BTNL8: variants seen among roughly 807,000 people sequenced by gnomAD.
BTNL8 encodes the protein butyrophilin-like protein 8.
Under a neutral mutation model 36.1 loss-of-function variants are expected in BTNL8, and 22 were observed. The ratio of observed to expected loss-of-function variants is 0.61; its 90% CI spans 0.44 to 0.87. The LOEUF (loss-of-function observed/expected upper bound fraction) is 0.87, where lower values mean the gene tolerates loss of function less well. Among genes scored for constraint, BTNL8 ranks in the 40% least tolerant of loss-of-function variants. The probability of loss-of-function intolerance (pLI) is 0.00; values close to 1 mark genes in which losing one functional copy is unlikely to be tolerated. For synonymous variants in BTNL8, 203 were observed against 235.6 expected (o/e 0.86, Z 1.27); for missense variants, 526 against 616.9 (o/e 0.85, Z 1.56).
intron 3 of BTNL8, among the ~76,000 whole-genome samples, chr5:180,944,435 GTTA>G (rs765573849): frequency 1.1e-4 from 16 of 152,094 alleles, no homozygotes; most frequent in Non-Finnish European, 1.6e-4. Flanking sequence ...AATATGTACA[GTTA>G]TTATGAGGCA....
In BTNL8 at chr5:180,949,738, C is replaced by A; in HGVS notation, c.863-166C>A. On this transcript the variant is annotated intron_variant, in intron 7 of 7. Coordinates refer to ENST00000340184, the MANE Select transcript of BTNL8 (RefSeq NM_001040462.3). ...AGACATTGATGAGTCCTCCAGGCTG[C>A]ACTGGTGATGAGAGGACCTGAAAGG... The A allele has an allele frequency of 3.5e-6, 3 of 856,878 alleles. 1 individual carries two copies. In the East Asian group the frequency reaches 8.2e-5, roughly 24 times the overall value. The allele number at this position is 856,878 out of a possible 1,614,324, so 53.1% of individuals were successfully genotyped here.
intron 3 of BTNL8, among the ~76,000 whole-genome samples, chr5:180,921,332 A>G (rs921525880): frequency 6.6e-6 from 1 of 152,074 alleles, no homozygotes; most frequent in Admixed American, 6.5e-5. Flanking sequence ...ATGAAATATT[A>G]CTCAACAATA....
intron 2 of BTNL8, chr5:180,909,913 T>G (rs1374195951): frequency 1.3e-5 from 2 of 152,080 alleles, no homozygotes; most frequent in Non-Finnish European, 1.5e-5. Context: ...CACTGCTAAA[T>G]TTGACTAACT....
intron 1 of BTNL8, 73 bp downstream of exon 1, chr5:180,899,432 T>C: frequency 6.7e-7 from 1 of 1,491,202 alleles, no homozygotes; most frequent in Non-Finnish European, 9.4e-7. Context: ...TGCAGCATAA[T>C]GGAATGAAGG....
Position 180,947,452 on chromosome 5 carries a change from A to C in BTNL8, c.674-60A>C. ...GGGGAACAAGGTGACTCCTTAAAGAAGAATTGAATTGTGTCTTTTGTTCAC... is the reference window on the plus strand; with the variant it reads ...GGGGAACAAGGTGACTCCTTAAAGACGAATTGAATTGTGTCTTTTGTTCAC... On this transcript the variant is annotated intron_variant, in intron 3 of 7. Coordinates refer to ENST00000340184, the MANE Select transcript of BTNL8 (RefSeq NM_001040462.3). 6 of 1,585,034 alleles carry C rather than the reference A, an allele frequency of 3.8e-6. No homozygotes were observed. The Middle Eastern group carries it at 1.0e-3, about 266-fold the overall frequency.
In BTNL8 at chr5:180,950,630, T is replaced by C; in HGVS notation, c.*86T>C. On this transcript the variant is annotated 3_prime_UTR_variant, in exon 8 of 8. Coordinates refer to ENST00000340184, the MANE Select transcript of BTNL8 (RefSeq NM_001040462.3). The stretch of plus-strand genomic sequence containing the variant: ...TCCCGCAGCAGCCGGCCAAGGTGGC[T>C]TCCAGATGAAGGGGGACTGGCCTGT... 3.0e-6 allele frequency: 4 copies of C among 1,334,546 alleles called. 1 individual carries two copies. In the East Asian group the frequency reaches 1.0e-4, roughly 34 times the overall value. The allele number at this position is 1,334,546 out of a possible 1,614,324, so 82.7% of individuals were successfully genotyped here.
At chr5:180,931,683 T>G (rs1582045798) in intron 3 of BTNL8, among the ~76,000 whole-genome samples, 1 of 152,274 alleles carries the variant, frequency 6.6e-6, no homozygotes, top group East Asian at 1.9e-4. Context: ...TGAAGACATT[T>G]ATGTGGCCAA....
rs143082144 is a variant in BTNL8 at position 180,938,996 on chromosome 5, C to T, written c.674-8516C>T. Reference sequence around the variant, plus strand: ...TCTGGAAGGGAAAGGATGATAACTACCATATGAAAACACCTGAAGGTAGAA... The same window carrying T: ...TCTGGAAGGGAAAGGATGATAACTATCATATGAAAACACCTGAAGGTAGAA... On this transcript the variant is annotated intron_variant, in intron 3 of 7. Coordinates refer to ENST00000340184, the MANE Select transcript of BTNL8 (RefSeq NM_001040462.3). Among the ~76,000 whole-genome samples the T allele has an allele frequency of 3.3e-3, 495 of 151,932 alleles. 2 individuals are homozygous for T. The highest frequency in any genetic ancestry group is 0.011 in the African/African-American group (456 of 41,418).
chr5:180,940,850 G>A (rs1261935076), intron 3 of BTNL8, among the ~76,000 whole-genome samples: 1 of 152,098 alleles, frequency 6.6e-6, no homozygotes, highest in Non-Finnish European at 1.5e-5. Context: ...CAAATCACTT[G>A]AGGTCAGGAG....
intron 1 of BTNL8, among the ~76,000 whole-genome samples, chr5:180,902,189 T>G (rs199518301): frequency 0.39 from 58,451 of 150,978 alleles, 12,863 homozygotes; most frequent in African/African-American, 0.61. Context: ...ATGTTTGGGT[T>G]TTTTTTTTAA....
intron 3 of BTNL8, chr5:180,945,787 C>A: frequency 2.0e-6 from 1 of 511,008 alleles, no homozygotes. Context: ...TGGAGCCACT[C>A]ATGAAAATTC....
At chr5:180,915,297 G>A (rs566092823) in intron 3 of BTNL8, among the ~76,000 whole-genome samples, 11 of 152,354 alleles carry the variant, frequency 7.2e-5, no homozygotes, top group African/African-American at 2.2e-4. Flanking sequence ...TGCAGACAGG[G>A]TGCCTGAGCC....
Position 180,900,543 on chromosome 5 carries a change from G to A in BTNL8, c.49+1184G>A, listed in dbSNP as rs185551139. On this transcript the variant is annotated intron_variant, in intron 1 of 7. Transcript: ENST00000340184. Reference sequence around the variant, plus strand: ...GAGGTGACAGCAGCAAGGGCTGGCCGGAGAAATGGAGGTACCCTGAAAAAT... The same window carrying A: ...GAGGTGACAGCAGCAAGGGCTGGCCAGAGAAATGGAGGTACCCTGAAAAAT... 1.7e-3 allele frequency among the ~76,000 whole-genome samples: 264 copies of A among 152,306 alleles called. 2 individuals carry two copies. Among genetic ancestry groups the A allele is most frequent in the African/African-American group, 5.9e-3 (247 of 41,560 alleles).
At chr5:180,904,760 T>C in intron 1 of BTNL8, among the ~76,000 whole-genome samples, 1 of 149,252 alleles carries the variant, frequency 6.7e-6, no homozygotes, top group Non-Finnish European at 1.5e-5. Context: ...TGTCAAAGGC[T>C]TTTTCTGCAT....
At chr5:180,939,823 G>A (rs1047441018) in intron 3 of BTNL8, among the ~76,000 whole-genome samples, 3 of 151,952 alleles carry the variant, frequency 2.0e-5, no homozygotes, top group African/African-American at 7.3e-5. Flanking sequence ...TATTCTGCAG[G>A]ATACATTTTA....
intron 3 of BTNL8, among the ~76,000 whole-genome samples, chr5:180,919,742 A>G (rs1757785686): frequency 6.6e-6 from 1 of 152,204 alleles, no homozygotes. Context: ...TAGTGTTTCT[A>G]TACACTAACA....
At chr5:180,933,686 A>C (rs1051352538) in intron 3 of BTNL8, among the ~76,000 whole-genome samples, 3 of 152,202 alleles carry the variant, frequency 2.0e-5, no homozygotes, top group African/African-American at 7.2e-5. Flanking sequence ...GTATCAAAGA[A>C]GAAGGATCTC....
chr5:180,931,191 C>T (rs1477473863), intron 3 of BTNL8, among the ~76,000 whole-genome samples: 1 of 152,038 alleles, frequency 6.6e-6, no homozygotes, highest in Non-Finnish European at 1.5e-5. Context: ...ACAAACTTGA[C>T]AAAAATAAGC....
rs368597376 is a variant in BTNL8 at position 180,908,632 on chromosome 5, G to A, written c.96G>A (p.Val32=). 1.9e-6 allele frequency: 3 copies of A among 1,614,216 alleles called. No homozygotes were observed. Among genetic ancestry groups the A allele is most frequent in the Middle Eastern group, 1.6e-4 (1 of 6,062 alleles). ...CAGACAAGCCTGTCCAGGCCTTGGT[G>A]GGGGAGGACGCAGCATTCTCCTGTT... ...FGPDKPVQAL[V]GEDAAFSCFL... The change falls in exon 2 of 8, where the codon GTG becomes GTA. Residue 32 remains valine, a synonymous_variant. Coordinates refer to ENST00000340184, the MANE Select transcript of BTNL8 (RefSeq NM_001040462.3).
Sources: allele counts gnomAD v4.1 joint callset (sites outside exome capture counted in the v4.1 genomes callset), GRCh38; gene constraint gnomAD v4.1.1; transcripts MANE v1.5; gene names NCBI Gene and HGNC (gene_info 2026-07-23, HGNC 2026-07-21).